ASPG: variants seen among roughly 807,000 people sequenced by gnomAD.
The protein encoded by ASPG is 60 kDa lysophospholipase.
In ASPG, 53 loss-of-function variants were observed where a neutral mutation model predicts 63.2. The observed-to-expected ratio is 0.84, with a 90% CI of 0.67 to 1.05. ASPG has a LOEUF of 1.05. ASPG is among the 50% of genes least tolerant of loss of function. The pLI is 0.00. For missense variants in ASPG, 741 were observed against 794.4 expected (o/e 0.93, Z 0.81); for synonymous variants, 370 against 355.0 (o/e 1.04, Z -0.48).
Position 104,090,076 on chromosome 14 carries a change from G to C in ASPG, c.83-2557G>C, listed in dbSNP as rs528495056. On this transcript the variant is annotated intron_variant, in intron 1 of 15. Transcript: ENST00000551177. ...CCTGCATCAGCCTCCCAAAATTCTG[G>C]GATTACAGGTGTGAGCCATAAAAAC... Among the ~76,000 whole-genome samples, 171 of 152,174 alleles carry C rather than the reference G, an allele frequency of 1.1e-3. 2 individuals carry two copies. The highest frequency in any genetic ancestry group is 1.1e-3 in the Non-Finnish European group (77 of 68,018).
Position 104,111,486 on chromosome 14 carries a change from C to A in ASPG, c.1521-16C>A. ...CCAGCAGGCCCCAACAACTCCTCCT[C>A]TGCCCCCACCCCCAGGCTGGCATAC... is the stretch of plus-strand genomic sequence containing the variant. On this transcript the variant is annotated splice_polypyrimidine_tract_variant and intron_variant, in intron 13 of 15. Coordinates refer to ENST00000551177, the MANE Select transcript of ASPG (RefSeq NM_001080464.3). The A allele has an allele frequency of 6.5e-7, 1 of 1,547,314 alleles. No homozygotes were observed. The highest frequency in any genetic ancestry group is 1.2e-5 in the South Asian group (1 of 83,770).
chr14:104,105,553 CG>C, intron 10 of ASPG, 103 bp downstream of exon 10: 2 of 1,416,168 alleles, frequency 1.4e-6, no homozygotes, highest in Admixed American at 2.7e-5. Flanking sequence ...AGCCATCACT[CG>C]AGCCCAAACA....
rs1016258440 is a variant in ASPG, at chr14:104,091,091, C to T, written c.83-1542C>T. On this transcript the variant is annotated intron_variant, in intron 1 of 15. Coordinates refer to ENST00000551177, the MANE Select transcript of ASPG (RefSeq NM_001080464.3). The surrounding 1 kb of genome is among the most constrained non-coding windows in gnomAD (Gnocchi z 6.4). ...ATGTTGACCAGGCTGGTCTTGAATT[C>T]CAGACCTCAAGCAATCTGACACCTC... Among the ~76,000 whole-genome samples the T allele has an allele frequency of 1.3e-5, 2 of 151,908 alleles. No individual in the cohort carries two copies. Among genetic ancestry groups the T allele is most frequent in the African/African-American group, 4.8e-5 (2 of 41,298 alleles).
chr14:104,113,082 C>G lies in ASPG; in HGVS notation c.*538C>G, dbSNP rs943504672. On this transcript the variant is annotated 3_prime_UTR_variant, in exon 16 of 16. Transcript: ENST00000551177. ...TGCTTAACTCTTTAGTCCTCACAGT[C>G]CCGTCCCAGTTGCTGTCTGGTTTTC... is the stretch of plus-strand genomic sequence containing the variant. The G allele has an allele frequency of 5.2e-6, 1 of 190,760 alleles. No homozygotes were observed. The highest frequency in any genetic ancestry group is 2.3e-5 in the African/African-American group (1 of 42,628). The allele number at this position is 190,760 out of a possible 1,614,324, so 11.8% of individuals were successfully genotyped here.
At chr14:104,097,771 C>T in intron 5 of ASPG, 134 bp downstream of exon 5, 1 of 762,996 alleles carries the variant, frequency 1.3e-6, no homozygotes, top group East Asian at 2.7e-5. Context: ...TCTTCTAGAT[C>T]TTATGTTGTG....
rs1437950066 is a variant in ASPG at position 104,114,938 on chromosome 14, G to A, written c.*2394G>A. On this transcript the variant is annotated 3_prime_UTR_variant, in exon 16 of 16. Transcript: ENST00000551177. ...CTTGCTGTGGTGTGAGGCTGTGGGA[G>A]ACTCAGGAATGAGGCACAGCCAGGT... is the stretch of plus-strand genomic sequence containing the variant. 6.6e-6 allele frequency: 1 copy of A among 152,178 alleles called. No individual in the cohort carries two copies. The highest frequency in any genetic ancestry group is 1.5e-5 in the Non-Finnish European group (1 of 68,050). 9.4% of individuals were successfully genotyped at this position (152,178 alleles called of 1,614,324 possible).
At position 104,114,508 on chromosome 14, in the gene ASPG, T is replaced by C. The variant is rs1270181335; in HGVS notation, c.*1964T>C. The C allele has an allele frequency of 1.3e-5, 2 of 152,122 alleles. No individual in the cohort carries two copies. Among genetic ancestry groups the C allele is most frequent in the Non-Finnish European group, 2.9e-5 (2 of 68,168 alleles). 9.4% of individuals were successfully genotyped at this position (152,122 alleles called of 1,614,324 possible). On this transcript the variant is annotated 3_prime_UTR_variant, in exon 16 of 16. Coordinates refer to ENST00000551177, the MANE Select transcript of ASPG (RefSeq NM_001080464.3). The stretch of plus-strand genomic sequence containing the variant: ...TGTCTCAGGAGGCTGTGAAGAGTCA[T>C]AGGCTTGAGTCTGGGAGCTTTCTCG...
At chr14:104,097,861 G>A (rs368356340) in intron 5 of ASPG, among the ~76,000 whole-genome samples, 1 of 124,156 alleles carries the variant, frequency 8.1e-6, no homozygotes, top group African/African-American at 3.0e-5. Context: ...TGCATATGGA[G>A]GTTCTACGTT....
intron 6 of ASPG, among the ~76,000 whole-genome samples, chr14:104,100,071 C>T (rs561147106): frequency 7.2e-5 from 11 of 152,268 alleles, no homozygotes; most frequent in Admixed American, 4.6e-4. Flanking sequence ...GGGAATCTCC[C>T]GGTGCGGCAG....
intron 1 of ASPG, among the ~76,000 whole-genome samples, chr14:104,090,141 G>T (rs532400676): frequency 2.6e-5 from 4 of 152,274 alleles, no homozygotes; most frequent in African/African-American, 9.6e-5. Context: ...CTTGAGAGAA[G>T]AGGACACCAA....
chr14:104,108,616 C>A (rs1186475880), intron 12 of ASPG: 1 of 985,310 alleles, frequency 1.0e-6, no homozygotes, highest in African/African-American at 1.7e-5. Flanking sequence ...CTTTAGGTCA[C>A]CCTGTACAAT....
intron 4 of ASPG, among the ~76,000 whole-genome samples, chr14:104,097,048 C>T (rs1212921712): frequency 6.6e-6 from 1 of 152,056 alleles, no homozygotes; most frequent in African/African-American, 2.4e-5. Flanking sequence ...TCACAGCCCA[C>T]CCACCCCTCA....
Position 104,114,220 on chromosome 14 carries a change from C to T in ASPG, c.*1676C>T, listed in dbSNP as rs558354358. On this transcript the variant is annotated 3_prime_UTR_variant, in exon 16 of 16. Coordinates refer to ENST00000551177, the MANE Select transcript of ASPG (RefSeq NM_001080464.3). Reference sequence around the variant, plus strand: ...GCAGGTGCCAACCTGCCAGTGTAGACACACCGACTGATGCCGGGGGTGAGT... The same window carrying T: ...GCAGGTGCCAACCTGCCAGTGTAGATACACCGACTGATGCCGGGGGTGAGT... 5.3e-5 allele frequency: 8 copies of T among 152,288 alleles called. No homozygotes were observed. Among genetic ancestry groups the T allele is most frequent in the African/African-American group, 1.9e-4 (8 of 41,466 alleles). The allele number at this position is 152,288 out of a possible 1,614,324, so 9.4% of individuals were successfully genotyped here.
rs115614533 is a variant in ASPG, at chr14:104,091,603, T to C, written c.83-1030T>C. On this transcript the variant is annotated intron_variant, in intron 1 of 15. Coordinates refer to ENST00000551177, the MANE Select transcript of ASPG (RefSeq NM_001080464.3). The surrounding 1 kb of genome is among the most constrained non-coding windows in gnomAD (Gnocchi z 6.4). ...GCTGGTGACTTAACAGGCAGAGATG[T>C]GGAGACCAGGGTGAGCCCAGCAGTG... Among the ~76,000 whole-genome samples the C allele has an allele frequency of 3.9e-3, 592 of 152,138 alleles. 4 individuals are homozygous for C. Among genetic ancestry groups the C allele is most frequent in the African/African-American group, 0.014 (565 of 41,506 alleles).
At chr14:104,104,221 T>G in intron 7 of ASPG, 83 bp from the exon 8 acceptor site, 1 of 1,448,846 alleles carries the variant, frequency 6.9e-7, no homozygotes, top group Non-Finnish European at 9.3e-7. Context: ...GGGGTCCCTC[T>G]CCTTGGGAGG....
intron 7 of ASPG, 90 bp downstream of exon 7, chr14:104,103,765 C>G: frequency 1.7e-6 from 2 of 1,153,950 alleles, no homozygotes; most frequent in Non-Finnish European, 2.5e-6. Flanking sequence ...GGGGCCCTCA[C>G]CAGCCAGTGC....
rs1765729390 is a variant in ASPG, at chr14:104,091,423, T to G, written c.83-1210T>G. ...CCCCCGTCTGCTGGCTGAGCCCTAC[T>G]GGCGGGGTGATTTTGTCAGCGGCTG... is the stretch of plus-strand genomic sequence containing the variant. On this transcript the variant is annotated intron_variant, in intron 1 of 15. Coordinates refer to ENST00000551177, the MANE Select transcript of ASPG (RefSeq NM_001080464.3). The surrounding 1 kb of genome is among the most constrained non-coding windows in gnomAD (Gnocchi z 6.4). Among the ~76,000 whole-genome samples the G allele has an allele frequency of 6.6e-6, 1 of 152,138 alleles. No individual in the cohort carries two copies. Among genetic ancestry groups the G allele is most frequent in the Non-Finnish European group, 1.5e-5 (1 of 68,016 alleles).
rs1400889094 is a variant in ASPG, at chr14:104,111,494, AC to A, written c.1521-3del. On this transcript the variant is annotated splice_polypyrimidine_tract_variant and splice_region_variant and intron_variant, in intron 13 of 15. Coordinates refer to ENST00000551177, the MANE Select transcript of ASPG (RefSeq NM_001080464.3). ...CCCCAACAACTCCTCCTCTGCCCCC[AC>A]CCCCAGGCTGGCATACAGGGCCGAC... is the stretch of plus-strand genomic sequence containing the variant. 1.3e-6 allele frequency: 2 copies of A among 1,548,468 alleles called. No individual in the cohort carries two copies. The highest frequency in any genetic ancestry group is 1.7e-6 in the Non-Finnish European group (2 of 1,145,718).
At chr14:104,088,010 G>T (rs1013799167) in intron 1 of ASPG, among the ~76,000 whole-genome samples, 10 of 152,140 alleles carry the variant, frequency 6.6e-5, no homozygotes, top group African/African-American at 2.4e-4. Context: ...GCCCGTCCTC[G>T]TGTGGCTGCG....
Sources: gnomAD v4.1 joint callset for allele counts (sites outside exome capture counted in the v4.1 genomes callset) on GRCh38, gnomAD v4.1.1 for gene constraint, Gnocchi (gnomAD v3.1) non-coding constraint, MANE v1.5 for transcripts, NCBI Gene and HGNC (gene_info 2026-07-23, HGNC 2026-07-21) for gene names.